The following CCDC73 variants were observed in gnomAD, a reference collection of about 807,000 sequenced individuals.
CCDC73 encodes the protein coiled-coil domain-containing protein 73.
In CCDC73, 95 loss-of-function variants were observed where a neutral mutation model predicts 116.5. That is an observed-to-expected ratio of 0.82 (90% CI 0.69 to 0.97). CCDC73 has a LOEUF of 0.97. Ranked by LOEUF, CCDC73 falls within the 50% of genes least tolerant of loss-of-function variation. The probability of loss-of-function intolerance (pLI) is 0.00; values close to 1 mark genes in which losing one functional copy is unlikely to be tolerated. For missense variants in CCDC73, 1,066 were observed against 1,206.8 expected, an observed-to-expected ratio of 0.88 and a Z score of 1.73; for synonymous variants, 398 against 401.3, an observed-to-expected ratio of 0.99 and a Z score of 0.10.
chr11:32,762,986 G>A (rs1185103382), intron 1 of CCDC73, among the ~76,000 whole-genome samples: 1 of 152,196 alleles, frequency 6.6e-6, no homozygotes, highest in Non-Finnish European at 1.5e-5. Flanking sequence ...CACACCCATG[G>A]AGCCTCGCTC....
chr11:32,718,246 C>A (rs1849962656), intron 2 of CCDC73, 99 bp from the exon 3 acceptor site: 2 of 706,244 alleles, frequency 2.8e-6, no homozygotes, highest in Non-Finnish European at 2.3e-6. Flanking sequence ...CATACTCCCA[C>A]CTTTACAACA....
chr11:32,633,125 C>T (rs1036798094), intron 14 of CCDC73, among the ~76,000 whole-genome samples: 12 of 152,174 alleles, frequency 7.9e-5, no homozygotes, highest in Non-Finnish European at 1.5e-4. Flanking sequence ...ACGATCTCGG[C>T]TCACTGCAAT....
intron 1 of CCDC73, among the ~76,000 whole-genome samples, chr11:32,783,102 C>T (rs1326003168): frequency 6.6e-6 from 1 of 151,686 alleles, no homozygotes; most frequent in Non-Finnish European, 1.5e-5. Context: ...CACCAAGACA[C>T]ATCATTGGTG....
chr11:32,822,978 A>T, the CCDC73 span, among the ~76,000 whole-genome samples: 1 of 152,162 alleles, frequency 6.6e-6, no homozygotes, highest in Non-Finnish European at 1.5e-5. Context: ...TTTAAAGATG[A>T]AAAACAGGGC....
chr11:32,626,508 C>T (rs1483775591), intron 14 of CCDC73, among the ~76,000 whole-genome samples: 2 of 152,132 alleles, frequency 1.3e-5, no homozygotes, highest in Non-Finnish European at 2.9e-5. Context: ...AAAAAGAGCC[C>T]ACATTGCCAA....
At chr11:32,751,792 T>G (rs1010479253) in intron 2 of CCDC73, among the ~76,000 whole-genome samples, 27 of 152,186 alleles carry the variant, frequency 1.8e-4, no homozygotes, top group Admixed American at 9.2e-4. Flanking sequence ...TTTTGTGTAG[T>G]TGTCAAATTT....
At chr11:32,659,686 T>C (rs983711230) in intron 9 of CCDC73, among the ~76,000 whole-genome samples, 9 of 152,158 alleles carry the variant, frequency 5.9e-5, no homozygotes, top group Admixed American at 5.2e-4. Flanking sequence ...TAGCTATAAA[T>C]ATCAGAAAAC....
intron 3 of CCDC73, among the ~76,000 whole-genome samples, chr11:32,704,649 A>T (rs1849840935): frequency 6.6e-6 from 1 of 152,212 alleles, no homozygotes; most frequent in Admixed American, 6.5e-5. Flanking sequence ...CAAGCCAGGG[A>T]TAGCCTGAAG....
chr11:32,723,098 T>C (rs1219758424), intron 2 of CCDC73, among the ~76,000 whole-genome samples: 1 of 152,186 alleles, frequency 6.6e-6, no homozygotes, highest in Non-Finnish European at 1.5e-5. Flanking sequence ...TTAATCTTTA[T>C]ATCCCCTCAA....
At chr11:32,720,273 T>A (rs1849979590) in intron 2 of CCDC73, among the ~76,000 whole-genome samples, 1 of 152,174 alleles carries the variant, frequency 6.6e-6, no homozygotes, top group Non-Finnish European at 1.5e-5. Flanking sequence ...AATACGCTAA[T>A]CATATGATCG....
At chr11:32,683,006 G>A (rs1856162181) in intron 7 of CCDC73, 1 of 154,576 alleles carries the variant, frequency 6.5e-6, no homozygotes. Context: ...AAAATAAGAG[G>A]TTTTAGAGTT....
chr11:32,629,485 C>T (rs559556090), intron 14 of CCDC73, among the ~76,000 whole-genome samples: 112 of 151,768 alleles, frequency 7.4e-4, no homozygotes, highest in African/African-American at 2.7e-3. Flanking sequence ...ACCACAAACT[C>T]CACCTCCCGG....
chr11:32,687,079 T>C (rs1473359906), intron 6 of CCDC73, among the ~76,000 whole-genome samples: 2 of 152,220 alleles, frequency 1.3e-5, no homozygotes, highest in Non-Finnish European at 2.9e-5. Flanking sequence ...CCATTAATTT[T>C]CCATTTATTG....
the CCDC73 span, chr11:32,829,907 G>T: frequency 2.1e-4 from 203 of 985,594 alleles, 1 homozygote; most frequent in African/African-American, 3.4e-3. Context: ...GGTGTCCCCA[G>T]GTAGCCGCCT....
At chr11:32,784,213 C>A (rs994403408) in intron 1 of CCDC73, among the ~76,000 whole-genome samples, 3 of 151,902 alleles carry the variant, frequency 2.0e-5, no homozygotes, top group African/African-American at 7.2e-5. Flanking sequence ...GCCTGTAATC[C>A]CAGCTACTCA....
intron 2 of CCDC73, among the ~76,000 whole-genome samples, chr11:32,748,628 G>T (rs902967868): frequency 1.6e-4 from 25 of 152,070 alleles, no homozygotes; most frequent in Non-Finnish European, 3.4e-4. Context: ...GTGTTTTTCT[G>T]TGTACCTACT....
intron 14 of CCDC73, among the ~76,000 whole-genome samples, chr11:32,618,643 C>T (rs1395238075): frequency 6.6e-6 from 1 of 152,182 alleles, no homozygotes; most frequent in Non-Finnish European, 1.5e-5. Context: ...ACCTCCGCCT[C>T]CTGGGTTCAA....
At chr11:32,676,260 G>A (rs1175966240) in intron 7 of CCDC73, among the ~76,000 whole-genome samples, 3 of 152,032 alleles carry the variant, frequency 2.0e-5, no homozygotes, top group Non-Finnish European at 4.4e-5. Context: ...GTCACTTCAG[G>A]TTATGTTTCC....
intron 6 of CCDC73, among the ~76,000 whole-genome samples, chr11:32,695,707 C>T (rs1256681550): frequency 2.1e-5 from 3 of 145,608 alleles, no homozygotes; most frequent in Non-Finnish European, 4.5e-5. Flanking sequence ...AAGTGTGTGG[C>T]TTCAGTTTAA....
Sources: allele counts gnomAD v4.1 joint callset (sites outside exome capture counted in the v4.1 genomes callset), GRCh38; gene constraint gnomAD v4.1.1; transcripts MANE v1.5; gene names NCBI Gene and HGNC (gene_info 2026-07-23, HGNC 2026-07-21).